Variants in EPHB1 observed in about 807,000 individuals in gnomAD.
The protein encoded by EPHB1 is EPH receptor B1.
Under a neutral mutation model 94.4 loss-of-function variants are expected in EPHB1, and 30 were observed. The observed-to-expected ratio is 0.32, with a 90% CI of 0.24 to 0.43. The LOEUF is 0.43. Among genes scored for constraint, EPHB1 ranks in the 20% least tolerant of loss-of-function variants. EPHB1 has a pLI of 1.00. For missense variants in EPHB1, 1,055 were observed against 1,308.3 expected, an observed-to-expected ratio of 0.81 and a Z score of 2.99; for synonymous variants, 522 against 489.1, an observed-to-expected ratio of 1.07 and a Z score of -0.89.
chr3:134,861,024 T>A (rs1349991310), intron 1 of EPHB1, among the ~76,000 whole-genome samples: 2 of 152,060 alleles, frequency 1.3e-5, no homozygotes, highest in Non-Finnish European at 2.9e-5. Context: ...ATATGGAAGA[T>A]GCAGTGAGTG....
intron 1 of EPHB1, among the ~76,000 whole-genome samples, chr3:134,912,684 G>A (rs2038479094): frequency 6.6e-6 from 1 of 152,242 alleles, no homozygotes; most frequent in Non-Finnish European, 1.5e-5. Flanking sequence ...GAGTGGGTGG[G>A]GCTGCCCAGC....
intron 3 of EPHB1, among the ~76,000 whole-genome samples, chr3:135,102,700 T>C (rs905087551): frequency 1.3e-5 from 2 of 152,132 alleles, no homozygotes; most frequent in Non-Finnish European, 2.9e-5. Flanking sequence ...GTAGCACTAT[T>C]TACAATAGCA....
intron 3 of EPHB1, among the ~76,000 whole-genome samples, chr3:135,057,386 C>T (rs1937379485): frequency 6.6e-6 from 1 of 152,158 alleles, no homozygotes; most frequent in Admixed American, 6.5e-5. Flanking sequence ...CTCTGGACAG[C>T]AGCACTTGCC....
At position 135,156,987 on chromosome 3, in the gene EPHB1, A is replaced by G. The variant is rs181098840; in HGVS notation, c.1422+2711A>G. Among the ~76,000 whole-genome samples, 381 of 152,164 alleles carry G rather than the reference A, an allele frequency of 2.5e-3. 1 individual carries two copies. Among genetic ancestry groups the G allele is most frequent in the African/African-American group, 8.8e-3 (363 of 41,466 alleles). ...ACCTCATCTCAGAAAAACAATAATAATTTCTCCCCAGCGTGCACCTATTGT... is the reference window on the plus strand; with the variant it reads ...ACCTCATCTCAGAAAAACAATAATAGTTTCTCCCCAGCGTGCACCTATTGT... On this transcript the variant is annotated intron_variant, in intron 6 of 15. Transcript: ENST00000398015.
chr3:135,192,335 T>TAAAACAAACTCACATATATTCTGAAA (rs1553746551), intron 10 of EPHB1, among the ~76,000 whole-genome samples: 5 of 152,012 alleles, frequency 3.3e-5, no homozygotes, highest in East Asian at 1.9e-4. Flanking sequence ...AAATTCCACT[T>TAAAACAAACTCACATATATTCTGAAA]TAGTTACCCA....
rs758299791 is a variant in EPHB1, at chr3:134,795,671, G to T, written c.40G>T (p.Ala14Ser). The change falls in exon 1 of 16, where the codon GCA becomes TCA. Residue 14 changes from alanine (A) to serine (S), a missense_variant. Ala to Ser is a moderately conservative substitution (Grantham distance 99). Transcript: ENST00000398015. ...DYLLLLLLAS[A>S]VAAMEETLMD... is the part of the protein sequence containing the mutation. ...TCTACTACTGCTCCTCCTGGCATCC[G>T]CAGTGGCTGCGATGGAAGGTAACGT... is the stretch of plus-strand genomic sequence containing the variant. 5 of 1,609,518 alleles carry T rather than the reference G, an allele frequency of 3.1e-6. No homozygotes were observed. The highest frequency in any genetic ancestry group is 1.1e-5 in the South Asian group (1 of 90,606).
intron 1 of EPHB1, among the ~76,000 whole-genome samples, chr3:134,820,749 T>C (rs1405534924): frequency 6.6e-6 from 1 of 152,192 alleles, no homozygotes; most frequent in Non-Finnish European, 1.5e-5. Context: ...GAACTCTCCA[T>C]GCTTCCTCCT....
chr3:135,040,293 A>G (rs1444411456), intron 3 of EPHB1, among the ~76,000 whole-genome samples: 4 of 152,232 alleles, frequency 2.6e-5, no homozygotes, highest in Non-Finnish European at 5.9e-5. Flanking sequence ...AGGGCCTGGC[A>G]TGTAGTAAGT....
chr3:134,889,141 G>T (rs1292232443), intron 1 of EPHB1, among the ~76,000 whole-genome samples: 1 of 152,204 alleles, frequency 6.6e-6, no homozygotes, highest in Non-Finnish European at 1.5e-5. Flanking sequence ...GTCCTTCTAA[G>T]CTGTTGGGAA....
intron 12 of EPHB1, among the ~76,000 whole-genome samples, chr3:135,226,863 T>C (rs568249113): frequency 6.6e-6 from 1 of 152,284 alleles, no homozygotes; most frequent in East Asian, 1.9e-4. Context: ...TCATGTCCTT[T>C]GCAGCAACAT....
intron 1 of EPHB1, among the ~76,000 whole-genome samples, chr3:134,796,679 C>A (rs1449242576): frequency 6.6e-6 from 1 of 152,250 alleles, no homozygotes; most frequent in Admixed American, 6.5e-5. Flanking sequence ...GCGGCCGCGG[C>A]AGCCTCCTGG....
At chr3:134,816,256 TG>T (rs1344058458) in intron 1 of EPHB1, among the ~76,000 whole-genome samples, 3 of 151,598 alleles carry the variant, frequency 2.0e-5, no homozygotes, top group African/African-American at 7.3e-5. Context: ...CTAATTTTTT[TG>T]TTTTTTTTGT....
intron 3 of EPHB1, among the ~76,000 whole-genome samples, chr3:135,042,867 A>G (rs1160024836): frequency 6.6e-6 from 1 of 152,074 alleles, no homozygotes; most frequent in Non-Finnish European, 1.5e-5. Context: ...TTTGAGACAG[A>G]GTCTCCGTCT....
intron 1 of EPHB1, among the ~76,000 whole-genome samples, chr3:134,898,404 A>C (rs1007981767): frequency 1.3e-5 from 2 of 152,208 alleles, no homozygotes; most frequent in Non-Finnish European, 2.9e-5. Flanking sequence ...ACTCCTCTTC[A>C]TCTAAAGGAG....
At chr3:135,167,281 G>A (rs1461116733) in intron 9 of EPHB1, among the ~76,000 whole-genome samples, 1 of 152,234 alleles carries the variant, frequency 6.6e-6, no homozygotes, top group Non-Finnish European at 1.5e-5. Flanking sequence ...GCAGGGAAAA[G>A]ATTGGGTTTA....
chr3:134,813,269 T>C (rs2036209751), intron 1 of EPHB1, among the ~76,000 whole-genome samples: 1 of 152,152 alleles, frequency 6.6e-6, no homozygotes, highest in Non-Finnish European at 1.5e-5. Flanking sequence ...TTATTTCCCA[T>C]ACATTCCCTC....
intron 1 of EPHB1, among the ~76,000 whole-genome samples, chr3:134,897,291 G>A (rs2038105460): frequency 6.6e-6 from 1 of 152,122 alleles, no homozygotes; most frequent in African/African-American, 2.4e-5. Context: ...CTAATCCTCT[G>A]GACTCAGACC....
chr3:135,153,559 A>G (rs370581119), intron 5 of EPHB1, among the ~76,000 whole-genome samples: 1 of 152,218 alleles, frequency 6.6e-6, no homozygotes, highest in African/African-American at 2.4e-5. Flanking sequence ...AACTCTGACC[A>G]TACCTCTGTT....
chr3:134,882,215 T>G lies in EPHB1; in HGVS notation c.59-43601T>G, dbSNP rs6797822. On this transcript the variant is annotated intron_variant, in intron 1 of 15. Coordinates refer to ENST00000398015, the MANE Select transcript of EPHB1 (RefSeq NM_004441.5). ...TCATCCTATCAGGAAGAACTGAATA[T>G]TTCATAAGGTAGACAAAAGAGGAAT... 7.7e-3 allele frequency among the ~76,000 whole-genome samples: 1,175 copies of G among 152,276 alleles called. 20 individuals carry two copies. Among genetic ancestry groups the G allele is most frequent in the African/African-American group, 0.027 (1,115 of 41,554 alleles).
Sources: gnomAD v4.1 joint callset for allele counts (sites outside exome capture counted in the v4.1 genomes callset) on GRCh38, gnomAD v4.1.1 for gene constraint, MANE v1.5 for transcripts, NCBI Gene and HGNC (gene_info 2026-07-23, HGNC 2026-07-21) for gene names.